The following OR4F17 variants were observed in gnomAD, a reference collection of about 807,000 sequenced individuals.
OR4F17 encodes olfactory receptor 4F17.
For missense variants in OR4F17, 1 was observed against 323.6 expected, an observed-to-expected ratio of 0.00 and a Z score of 7.65; for synonymous variants, 1 against 120.7, an observed-to-expected ratio of 0.01 and a Z score of 6.50.
chr19:108,051 T>TAATAAAATATATATTATAGAA (rs1568168890), intron 2 of OR4F17, among the ~76,000 whole-genome samples: 1 of 107,906 alleles, frequency 9.3e-6, no homozygotes, highest in African/African-American at 3.6e-5. Flanking sequence ...ATATATTTTA[T>TAATAAAATATATATTATAGAA]TATAAAATAT....
At chr19:109,882 C>G (rs1325150890) in intron 2 of OR4F17, among the ~76,000 whole-genome samples, 3 of 152,182 alleles carry the variant, frequency 2.0e-5, no homozygotes, top group Non-Finnish European at 4.4e-5. Context: ...CTCACACAAC[C>G]ACAACCTGCA....
chr19:108,033 A>T (rs113072919), intron 2 of OR4F17, among the ~76,000 whole-genome samples: 2 of 103,612 alleles, frequency 1.9e-5, no homozygotes, highest in African/African-American at 3.8e-5. Context: ...TATATTATAG[A>T]ATATAATATA....
intron 2 of OR4F17, among the ~76,000 whole-genome samples, chr19:108,113 TAATA>T (rs1328088857): frequency 1.5e-5 from 2 of 130,904 alleles, no homozygotes; most frequent in Non-Finnish European, 3.1e-5. Context: ...TTATAGAATA[TAATA>T]TATATTATAT....
At chr19:110,052 C>A (rs1466059009) in intron 2 of OR4F17, among the ~76,000 whole-genome samples, 3 of 143,172 alleles carry the variant, frequency 2.1e-5, no homozygotes, top group African/African-American at 5.0e-5. Context: ...AGAAAGCATT[C>A]CAAAATCTCT....
chr19:108,134 A>T (rs1319224786), intron 2 of OR4F17, among the ~76,000 whole-genome samples: 1 of 132,012 alleles, frequency 7.6e-6, no homozygotes, highest in Non-Finnish European at 1.6e-5. Flanking sequence ...ATATTTATAT[A>T]TAACATATAT....
At chr19:108,739 G>A (rs1416827391) in intron 2 of OR4F17, among the ~76,000 whole-genome samples, 1 of 151,998 alleles carries the variant, frequency 6.6e-6, no homozygotes, top group Non-Finnish European at 1.5e-5. Context: ...CAACCAGTCA[G>A]GACAGAAATT....
At chr19:107,746 A>T (rs1302604824) in intron 2 of OR4F17, among the ~76,000 whole-genome samples, 191 bp downstream of exon 2, 7 of 132,248 alleles carry the variant, frequency 5.3e-5, no homozygotes, top group Non-Finnish European at 7.8e-5. Context: ...TAAGGCATTT[A>T]TATATATATA....
At chr19:107,798 ATATATAATATATAT>A (rs1037304190) in intron 2 of OR4F17, among the ~76,000 whole-genome samples, 1 of 123,754 alleles carries the variant, frequency 8.1e-6, no homozygotes, top group Non-Finnish European at 1.6e-5. Flanking sequence ...CATATTATAT[ATATATAATATATAT>A]TATATAATAT....
chr19:107,698 T>C (rs1296341005), intron 2 of OR4F17, 143 bp downstream of exon 2: 2 of 349,846 alleles, frequency 5.7e-6, no homozygotes, highest in African/African-American at 2.2e-5. Context: ...AGAACCCAAA[T>C]GCCTACTCCC....
Position 110,905 on chromosome 19 carries a change from CT to C in OR4F17, c.228del (p.Asp77ThrfsTer30). ...LSSVTAPKMITDFFSQRKVIS... is the reference protein window; with the variant it reads ...LSSVTAPKMIXDFFSQRKVIS... ...TCAGTCACAGCCCCCAAGATGATTA[CT>C]GACTTTTTCAGCCAGCGCAAAGTCA... On this transcript the variant is annotated frameshift_variant, in exon 3 of 3. Coordinates refer to ENST00000585993, the MANE Select transcript of OR4F17 (RefSeq NM_001005240.3). LOFTEE classifies it high-confidence loss of function. 6.9e-7 allele frequency: 1 copy of C among 1,446,168 alleles called. No homozygotes were observed. Among genetic ancestry groups the C allele is most frequent in the Non-Finnish European group, 9.7e-7 (1 of 1,035,566 alleles). 89.6% of individuals were successfully genotyped at this position (1,446,168 alleles called of 1,614,324 possible).
chr19:110,170 CCT>C (rs1372374364), intron 2 of OR4F17, among the ~76,000 whole-genome samples: 4 of 148,538 alleles, frequency 2.7e-5, no homozygotes, highest in Non-Finnish European at 4.5e-5. Context: ...ATTCTTTTAT[CCT>C]CTGTTAATTT....
intron 2 of OR4F17, among the ~76,000 whole-genome samples, chr19:108,166 T>C (rs1175028962): frequency 3.2e-5 from 4 of 124,686 alleles, no homozygotes; most frequent in African/African-American, 1.2e-4. Flanking sequence ...ATATGTATAA[T>C]ATATATTATA....
chr19:108,722 G>A (rs917835103), intron 2 of OR4F17, among the ~76,000 whole-genome samples: 1 of 151,856 alleles, frequency 6.6e-6, no homozygotes, highest in Admixed American at 6.6e-5. Flanking sequence ...AAAAGAAACA[G>A]TCCAACCAAC....
intron 2 of OR4F17, among the ~76,000 whole-genome samples, chr19:108,912 G>C (rs1431935628): frequency 1.3e-5 from 2 of 151,874 alleles, no homozygotes; most frequent in Non-Finnish European, 2.9e-5. Context: ...ATTTTTATAG[G>C]ACTTTAAAAA....
chr19:109,966 G>A (rs866226474), intron 2 of OR4F17, among the ~76,000 whole-genome samples: 3 of 151,714 alleles, frequency 2.0e-5, no homozygotes, highest in Admixed American at 1.3e-4. Flanking sequence ...AATTCACATT[G>A]AGTCCAGAGC....
intron 2 of OR4F17, among the ~76,000 whole-genome samples, chr19:107,889 T>A (rs925589981): frequency 0.01 from 272 of 26,574 alleles, 1 homozygote; most frequent in East Asian, 0.023. Context: ...TAATATATAT[T>A]ATATAATATA....
chr19:107,865 T>TA (rs1968636074), intron 2 of OR4F17, among the ~76,000 whole-genome samples: 1 of 91,992 alleles, frequency 1.1e-5, no homozygotes, highest in East Asian at 3.9e-4. Flanking sequence ...TAATATATAT[T>TA]TTATTATATA....
intron 2 of OR4F17, among the ~76,000 whole-genome samples, chr19:110,413 A>T (rs527970905): frequency 6.6e-6 from 1 of 152,280 alleles, no homozygotes; most frequent in African/African-American, 2.4e-5. Context: ...AATAAACCTA[A>T]CATTAATGGA....
At chr19:107,919 A>T (rs1968640539) in intron 2 of OR4F17, among the ~76,000 whole-genome samples, 1 of 8,374 alleles carries the variant, frequency 1.2e-4, no homozygotes, top group Non-Finnish European at 2.8e-4. Context: ...AAATTATATA[A>T]ATATAATATA....
Sources: gnomAD v4.1 joint callset for allele counts (sites outside exome capture counted in the v4.1 genomes callset) on GRCh38, gnomAD v4.1.1 for gene constraint, MANE v1.5 for transcripts, NCBI Gene and HGNC (gene_info 2026-07-23, HGNC 2026-07-21) for gene names.